The following SCARA5 variants were observed in gnomAD, a reference collection of about 807,000 sequenced individuals.
SCARA5 encodes scavenger receptor class A, member 5 (putative).
SCARA5 carries 45 observed loss-of-function variants against 46.3 expected under a neutral mutation model. The observed-to-expected ratio is 0.97, with a 90% CI of 0.76 to 1.24. The LOEUF (loss-of-function observed/expected upper bound fraction) is 1.24, where lower values mean the gene tolerates loss of function less well. Among genes scored for constraint, SCARA5 ranks in the 50% most tolerant of loss-of-function variants. The probability of loss-of-function intolerance (pLI) is 0.00; values close to 1 mark genes in which losing one functional copy is unlikely to be tolerated. For missense variants in SCARA5, 680 were observed against 689.0 expected (o/e 0.99, Z 0.15); for synonymous variants, 333 against 306.5 (o/e 1.09, Z -0.90).
intron 2 of SCARA5, among the ~76,000 whole-genome samples, chr8:27,986,415 C>G (rs1808705659): frequency 6.6e-6 from 1 of 152,184 alleles, no homozygotes; most frequent in Non-Finnish European, 1.5e-5. Flanking sequence ...ATCATAAGCC[C>G]TTTGAGGACA....
chr8:27,912,094 C>G (rs995352782), intron 4 of SCARA5, among the ~76,000 whole-genome samples: 8 of 152,296 alleles, frequency 5.3e-5, no homozygotes, highest in African/African-American at 1.7e-4. Flanking sequence ...GACTTCGAGT[C>G]TCCAGAACTG....
chr8:27,960,020 CAT>C (rs779894762), intron 3 of SCARA5, among the ~76,000 whole-genome samples: 7 of 152,214 alleles, frequency 4.6e-5, no homozygotes, highest in Non-Finnish European at 1.0e-4. Flanking sequence ...TTATTGGAAA[CAT>C]GTGCATATGG....
At chr8:27,886,378 G>C (rs1476558342) in intron 7 of SCARA5, among the ~76,000 whole-genome samples, 1 of 152,232 alleles carries the variant, frequency 6.6e-6, no homozygotes, top group African/African-American at 2.4e-5. Flanking sequence ...CCACTTCACA[G>C]AGCATGGCCC....
intron 7 of SCARA5, among the ~76,000 whole-genome samples, chr8:27,898,912 G>A (rs919790111): frequency 6.7e-6 from 1 of 149,544 alleles, no homozygotes; most frequent in African/African-American, 2.5e-5. Context: ...AGAACACATC[G>A]AGGTACCTGG....
chr8:27,959,466 G>A (rs574871595), intron 3 of SCARA5, among the ~76,000 whole-genome samples: 154 of 152,242 alleles, frequency 1.0e-3, no homozygotes, highest in African/African-American at 3.3e-3. Flanking sequence ...GCAGTGGGAG[G>A]ACAGCTGTGA....
At chr8:27,919,450 C>T (rs937868335) in intron 4 of SCARA5, among the ~76,000 whole-genome samples, 4 of 152,036 alleles carry the variant, frequency 2.6e-5, no homozygotes, top group Non-Finnish European at 5.9e-5. Context: ...TTAAATATCT[C>T]GAGAACATCA....
Position 27,921,704 on chromosome 8 carries a change from G to A in SCARA5, c.783C>T (p.Arg261=). ...CCATGCCTACGTGCGCCAGGCGCAG[G>A]CGGCGCGTGTCCTCGCTGGCGTTGC... The part of the protein sequence containing the change: ...LVSNASEDTR[R]LRLAHVGMEL... The change falls in exon 4 of 9, where the codon CGC becomes CGT. Residue 261 remains arginine, a synonymous_variant. Transcript: ENST00000354914. 6.2e-7 allele frequency: 1 copy of A among 1,603,116 alleles called. No individual in the cohort carries two copies. The highest frequency in any genetic ancestry group is 8.5e-7 in the Non-Finnish European group (1 of 1,175,786).
intron 3 of SCARA5, among the ~76,000 whole-genome samples, chr8:27,962,583 G>T (rs1197207505): frequency 6.6e-6 from 1 of 152,050 alleles, no homozygotes. Context: ...CATGGGCTCT[G>T]AGCATATTGT....
chr8:27,891,199 G>GTTTT (rs1211256366), intron 7 of SCARA5, among the ~76,000 whole-genome samples: 2 of 43,450 alleles, frequency 4.6e-5, no homozygotes, highest in Non-Finnish European at 1.5e-4. Flanking sequence ...CAATAGGTTT[G>GTTTT]TTTTTTTTTT....
In SCARA5 at chr8:27,871,903, G is replaced by C; in HGVS notation, c.*31C>G. 1.2e-6 allele frequency: 2 copies of C among 1,613,222 alleles called. No individual in the cohort carries two copies. The highest frequency in any genetic ancestry group is 1.7e-6 in the Non-Finnish European group (2 of 1,180,008). ...CAGGGATGCAGGAAGGGTGCTCTGT[G>C]CAGGACCCCGAACTTGGGCTCTGCC... On this transcript the variant is annotated 3_prime_UTR_variant, in exon 9 of 9. Coordinates refer to ENST00000354914, the MANE Select transcript of SCARA5 (RefSeq NM_173833.6).
chr8:27,978,067 C>G (rs148458678), intron 2 of SCARA5, among the ~76,000 whole-genome samples: 3,132 of 141,598 alleles, frequency 0.022, 120 homozygotes, highest in African/African-American at 0.077. Flanking sequence ...TGCTCTGTCT[C>G]CCAGACTGGA....
intron 3 of SCARA5, among the ~76,000 whole-genome samples, chr8:27,965,203 T>C (rs1470498777): frequency 6.6e-6 from 1 of 152,160 alleles, no homozygotes; most frequent in Non-Finnish European, 1.5e-5. Context: ...AACACCCCAT[T>C]ACATCACCCA....
chr8:27,986,789 C>T (rs1808711672), intron 2 of SCARA5, among the ~76,000 whole-genome samples: 1 of 152,216 alleles, frequency 6.6e-6, no homozygotes, highest in South Asian at 2.1e-4. Flanking sequence ...GGCCGGAAGT[C>T]TTTGCAAGGC....
intron 3 of SCARA5, among the ~76,000 whole-genome samples, chr8:27,959,452 G>A (rs1808260569): frequency 6.6e-6 from 1 of 152,138 alleles, no homozygotes; most frequent in Non-Finnish European, 1.5e-5. Flanking sequence ...GCACATGATG[G>A]TAGGCAGTGG....
intron 3 of SCARA5, among the ~76,000 whole-genome samples, chr8:27,932,823 G>A (rs986060382): frequency 2.0e-5 from 3 of 152,188 alleles, no homozygotes; most frequent in Admixed American, 1.3e-4. Context: ...TAGAGACAGG[G>A]TTTCATCATA....
chr8:27,950,407 C>T (rs941132537), intron 3 of SCARA5, among the ~76,000 whole-genome samples: 4 of 75,184 alleles, frequency 5.3e-5, no homozygotes, highest in South Asian at 9.5e-4. Flanking sequence ...GCCTCATGCC[C>T]GTGCTTGGGG....
intron 4 of SCARA5, among the ~76,000 whole-genome samples, chr8:27,917,640 C>A (rs1563524559): frequency 6.6e-6 from 1 of 152,216 alleles, no homozygotes; most frequent in Non-Finnish European, 1.5e-5. Context: ...GCTATTCAGT[C>A]TTCTCATCTA....
At position 27,895,383 on chromosome 8, in the gene SCARA5, C is replaced by T. The variant is rs552702384; in HGVS notation, c.1153+9395G>A. 2.6e-5 allele frequency among the ~76,000 whole-genome samples: 4 copies of T among 152,322 alleles called. No individual in the cohort carries two copies. In the South Asian group the frequency reaches 8.3e-4, roughly 32 times the overall value. On this transcript the variant is annotated intron_variant, in intron 7 of 8. Transcript: ENST00000354914. ...CATATGGGAAGGACAGGGGCCATCC[C>T]AAAAGCAAAAGAACTTTCTGATCAG...
intron 3 of SCARA5, among the ~76,000 whole-genome samples, chr8:27,959,353 T>C (rs1182146595): frequency 2.0e-5 from 3 of 152,230 alleles, no homozygotes; most frequent in Non-Finnish European, 1.5e-5. Context: ...CTAATTCTGT[T>C]GACTACTCAC....
Sources: allele counts gnomAD v4.1 joint callset (sites outside exome capture counted in the v4.1 genomes callset), GRCh38; gene constraint gnomAD v4.1.1; transcripts MANE v1.5; gene names NCBI Gene and HGNC (gene_info 2026-07-23, HGNC 2026-07-21).